Variants in CPSF6 observed in about 807,000 individuals in gnomAD.
CPSF6 encodes cleavage and polyadenylation specificity factor subunit 6.
In CPSF6, 10 loss-of-function variants were observed where a neutral mutation model predicts 56.7. The observed-to-expected ratio is 0.18, with a 90% CI of 0.11 to 0.30. CPSF6 has a LOEUF of 0.30. CPSF6 is among the 10% of genes least tolerant of loss of function. The probability of loss-of-function intolerance (pLI) is 1.00; values close to 1 mark genes in which losing one functional copy is unlikely to be tolerated. For missense variants in CPSF6, 419 were observed against 722.9 expected, an observed-to-expected ratio of 0.58 and a Z score of 4.82; for synonymous variants, 248 against 244.8, an observed-to-expected ratio of 1.01 and a Z score of -0.12.
At chr12:69,257,601 A>G (rs763438109) in intron 4 of CPSF6, 131 bp from the exon 5 acceptor site, 14 of 756,084 alleles carry the variant, frequency 1.9e-5, no homozygotes, top group Non-Finnish European at 2.7e-5. Flanking sequence ...ATACTTTCTT[A>G]TGTAGTTTGC....
chr12:69,244,743 C>G (rs1329866972), intron 1 of CPSF6, among the ~76,000 whole-genome samples: 1 of 151,430 alleles, frequency 6.6e-6, no homozygotes, highest in Non-Finnish European at 1.5e-5. Flanking sequence ...CACACATTAA[C>G]CTAGGCCTGC....
At position 69,258,633 on chromosome 12, in the gene CPSF6, A is replaced by G. The variant is rs758294780; in HGVS notation, c.738A>G (p.Pro246=). ...GTCCACCCTTAGGTCCTCCAGGCCCACCTGGTCCACCAGGTCCTCCACCTC... is the reference window on the plus strand; with the variant it reads ...GTCCACCCTTAGGTCCTCCAGGCCCGCCTGGTCCACCAGGTCCTCCACCTC... ...PPRPPLGPPG[P]PGPPGPPPPG... Residue 246 remains proline (P), a synonymous_variant, in exon 6 of 10, where the codon CCA becomes CCG. Coordinates refer to ENST00000435070, the MANE Select transcript of CPSF6 (RefSeq NM_007007.3). This position sits in a 1 kb window ranked among gnomAD's most constrained non-coding sequence, Gnocchi z 4.2. 1 of 1,612,688 alleles carries G rather than the reference A, an allele frequency of 6.2e-7. No individual in the cohort carries two copies. Among genetic ancestry groups the G allele is most frequent in the Non-Finnish European group, 8.5e-7 (1 of 1,179,608 alleles).
At chr12:69,250,137 T>G (rs958394656) in intron 1 of CPSF6, among the ~76,000 whole-genome samples, 1 of 152,190 alleles carries the variant, frequency 6.6e-6, no homozygotes, top group Non-Finnish European at 1.5e-5. Context: ...CATACCCATA[T>G]TTCTTCTTTC....
chr12:69,240,506 C>T (rs1397315126), intron 1 of CPSF6, among the ~76,000 whole-genome samples: 1 of 151,978 alleles, frequency 6.6e-6, no homozygotes, highest in Admixed American at 6.6e-5. Context: ...GATGAGTGGC[C>T]GGGGACCAAA....
At position 69,273,016 on chromosome 12, in the gene CPSF6, A is replaced by G; in HGVS notation, c.*3508A>G. 4.2e-6 allele frequency: 1 copy of G among 239,886 alleles called. No homozygotes were observed. Among genetic ancestry groups the G allele is most frequent in the Middle Eastern group, 1.8e-3 (1 of 566 alleles). The allele number at this position is 239,886 out of a possible 1,614,324, so 14.9% of individuals were successfully genotyped here. On this transcript the variant is annotated 3_prime_UTR_variant, in exon 10 of 10. Coordinates refer to ENST00000435070, the MANE Select transcript of CPSF6 (RefSeq NM_007007.3). ...ATAAATATTCAACCAAAAATTATAAATTTATTAAGATGTGGCCTTACATAT... is the reference window on the plus strand; with the variant it reads ...ATAAATATTCAACCAAAAATTATAAGTTTATTAAGATGTGGCCTTACATAT...
intron 2 of CPSF6, chr12:69,252,216 G>T: frequency 2.6e-6 from 1 of 385,864 alleles, no homozygotes; most frequent in South Asian, 1.8e-5. Flanking sequence ...TAGGACCACA[G>T]GCATGTGTCA....
chr12:69,248,027 C>T (rs985498400), intron 1 of CPSF6, among the ~76,000 whole-genome samples: 2 of 152,164 alleles, frequency 1.3e-5, no homozygotes, highest in Non-Finnish European at 2.9e-5. Flanking sequence ...CACTTGGAAG[C>T]AGTACAACTA....
chr12:69,271,362 T>C lies in CPSF6; in HGVS notation c.*1854T>C, dbSNP rs753818420. The C allele has an allele frequency of 2.0e-5, 3 of 152,120 alleles. No homozygotes were observed. Among genetic ancestry groups the C allele is most frequent in the African/African-American group, 7.2e-5 (3 of 41,394 alleles). 9.4% of individuals were successfully genotyped at this position (152,120 alleles called of 1,614,324 possible). A position where few individuals can be genotyped will look rare whatever the true frequency, so the allele number is the denominator to read the frequency against. Reference sequence around the variant, plus strand: ...CCTAATGCGAAGAAGTATGGACATATAAATATTACAAGAGAAATTAGTTAA... The same window carrying C: ...CCTAATGCGAAGAAGTATGGACATACAAATATTACAAGAGAAATTAGTTAA... On this transcript the variant is annotated 3_prime_UTR_variant, in exon 10 of 10. Transcript: ENST00000435070.
rs896690587 is a variant in CPSF6 at position 69,266,252 on chromosome 12, C to T, written c.*4-3260C>T. 3.3e-5 allele frequency among the ~76,000 whole-genome samples: 5 copies of T among 151,854 alleles called. No homozygotes were observed. In the East Asian group the frequency reaches 9.6e-4, roughly 29 times the overall value. On this transcript the variant is annotated intron_variant, in intron 9 of 9. Transcript: ENST00000435070. Reference sequence around the variant, plus strand: ...CCTGTTTCCTTGTTTTCCCATGTATCCTAACTGCTCTGCTTCATCTGGATA... The same window carrying T: ...CCTGTTTCCTTGTTTTCCCATGTATTCTAACTGCTCTGCTTCATCTGGATA...
At chr12:69,259,291 C>T in intron 6 of CPSF6, 137 bp from the exon 7 acceptor site, 1 of 1,280,560 alleles carries the variant, frequency 7.8e-7, no homozygotes, top group Non-Finnish European at 1.1e-6. Context: ...GGAAAAGTAG[C>T]ATGCTTCAAT....
At chr12:69,264,349 C>T (rs1329731936) in intron 9 of CPSF6, among the ~76,000 whole-genome samples, 2 of 152,052 alleles carry the variant, frequency 1.3e-5, no homozygotes, top group Non-Finnish European at 2.9e-5. Flanking sequence ...GCCTCTAAAC[C>T]AATTTAAGCC....
At chr12:69,249,158 G>T (rs879811216) in intron 1 of CPSF6, among the ~76,000 whole-genome samples, 951 of 68,664 alleles carry the variant, frequency 0.014, 326 homozygotes, top group South Asian at 0.03. Context: ...TACTCGGGGG[G>T]GGGGGGGGGG....
intron 1 of CPSF6, among the ~76,000 whole-genome samples, chr12:69,241,030 C>G (rs906009248): frequency 2.6e-5 from 4 of 152,108 alleles, no homozygotes; most frequent in African/African-American, 9.7e-5. Flanking sequence ...CCATCATATT[C>G]GTGACTAGTT....
chr12:69,263,739 T>TA (rs1027967335), intron 9 of CPSF6, among the ~76,000 whole-genome samples: 2 of 152,116 alleles, frequency 1.3e-5, no homozygotes, highest in African/African-American at 4.8e-5. Context: ...CCATAACAGA[T>TA]ACGCAAATGA....
At chr12:69,250,224 A>G (rs906577088) in intron 1 of CPSF6, among the ~76,000 whole-genome samples, 6 of 152,080 alleles carry the variant, frequency 3.9e-5, no homozygotes, top group African/African-American at 1.2e-4. Flanking sequence ...TCTGAATACT[A>G]TAGAAAATAA....
rs1873177031 is a variant in CPSF6 at position 69,270,166 on chromosome 12, G to A, written c.*658G>A. The A allele has an allele frequency of 6.6e-6, 1 of 152,048 alleles. No homozygotes were observed. The highest frequency in any genetic ancestry group is 1.5e-5 in the Non-Finnish European group (1 of 67,656). 9.4% of individuals were successfully genotyped at this position (152,048 alleles called of 1,614,324 possible). On this transcript the variant is annotated 3_prime_UTR_variant, in exon 10 of 10. Coordinates refer to ENST00000435070, the MANE Select transcript of CPSF6 (RefSeq NM_007007.3). ...TTGATATTAGAATAGGTGATTACAT[G>A]GATATTTAATATTTCTATATTCTGC...
chr12:69,254,029 T>G (rs191084188), intron 3 of CPSF6, among the ~76,000 whole-genome samples: 2 of 152,202 alleles, frequency 1.3e-5, no homozygotes, highest in Non-Finnish European at 2.9e-5. Flanking sequence ...GAGAATATTT[T>G]CAAAATATAT....
intron 8 of CPSF6, among the ~76,000 whole-genome samples, chr12:69,261,359 G>C (rs987258768): frequency 6.6e-6 from 1 of 152,140 alleles, no homozygotes; most frequent in African/African-American, 2.4e-5. Flanking sequence ...GTGAGCCCCA[G>C]GAGTTTGAGA....
intron 3 of CPSF6, 113 bp downstream of exon 3, chr12:69,253,267 A>G (rs1013429288): frequency 5.7e-6 from 3 of 523,524 alleles, no homozygotes; most frequent in Non-Finnish European, 1.0e-5. Flanking sequence ...TATACAAACA[A>G]CACATGATTG....
Sources: allele counts gnomAD v4.1 joint callset (sites outside exome capture counted in the v4.1 genomes callset), GRCh38; gene constraint gnomAD v4.1.1; non-coding constraint Gnocchi (gnomAD v3.1); transcripts MANE v1.5; gene names NCBI Gene and HGNC (gene_info 2026-07-23, HGNC 2026-07-21).